PLXNA4: variants seen among roughly 807,000 people sequenced by gnomAD.
PLXNA4 encodes the protein plexin-A4.
PLXNA4 carries 44 observed loss-of-function variants against 191.8 expected under a neutral mutation model. The observed-to-expected ratio is 0.23, with a 90% CI of 0.18 to 0.29. PLXNA4 has a LOEUF of 0.29. Ranked by LOEUF, PLXNA4 falls within the 10% of genes least tolerant of loss-of-function variation. PLXNA4 has a pLI of 1.00. For synonymous variants in PLXNA4, 1,082 were observed against 1,009.5 expected, an observed-to-expected ratio of 1.07 and a Z score of -1.36; for missense variants, 1,800 against 2,488.8, an observed-to-expected ratio of 0.72 and a Z score of 5.89.
intron 10 of PLXNA4, among the ~76,000 whole-genome samples, chr7:132,204,413 T>G (rs1797545429): frequency 6.6e-6 from 1 of 152,224 alleles, no homozygotes; most frequent in Non-Finnish European, 1.5e-5. Flanking sequence ...CAGCCGACTC[T>G]GCTCGCCACA....
At chr7:132,499,811 G>A (rs1019012789) in intron 2 of PLXNA4, among the ~76,000 whole-genome samples, 1 of 152,024 alleles carries the variant, frequency 6.6e-6, no homozygotes, top group Non-Finnish European at 1.5e-5. Context: ...GCCTGCGTGT[G>A]GGATAAATCA....
chr7:132,332,591 A>G (rs548702959), intron 3 of PLXNA4, among the ~76,000 whole-genome samples: 14 of 152,178 alleles, frequency 9.2e-5, no homozygotes, highest in Admixed American at 7.9e-4. Flanking sequence ...GCTCATGCCT[A>G]TAATCTCAGC....
At chr7:132,498,212 TTAC>T (rs1430688463) in intron 2 of PLXNA4, among the ~76,000 whole-genome samples, 2 of 152,224 alleles carry the variant, frequency 1.3e-5, no homozygotes, top group Non-Finnish European at 2.9e-5. Context: ...ATGATTATTA[TTAC>T]TGTTAATCTT....
chr7:132,344,334 T>C (rs1166974150), intron 3 of PLXNA4, among the ~76,000 whole-genome samples: 3 of 152,200 alleles, frequency 2.0e-5, no homozygotes, highest in Non-Finnish European at 4.4e-5. Flanking sequence ...TGCTACGATA[T>C]GATTAAGGAC....
chr7:132,463,098 C>A lies in PLXNA4; in HGVS notation c.1371+26194G>T, dbSNP rs182068157. 2.0e-4 allele frequency among the ~76,000 whole-genome samples: 30 copies of A among 152,162 alleles called. No individual in the cohort carries two copies. The East Asian group carries it at 4.4e-3, about 23-fold the overall frequency. On this transcript the variant is annotated intron_variant, in intron 3 of 31. Transcript: ENST00000321063. The stretch of plus-strand genomic sequence containing the variant: ...CTTCTGACCTCAAGTGATCCACCCC[C>A]CTTCAGCCTCTCAAAGTGCTAGGAT...
chr7:132,415,805 T>C (rs1306650884), intron 3 of PLXNA4, among the ~76,000 whole-genome samples: 1 of 152,204 alleles, frequency 6.6e-6, no homozygotes, highest in East Asian at 1.9e-4. Context: ...TTAAGTAAAC[T>C]GCCCAAGGTT....
intron 3 of PLXNA4, among the ~76,000 whole-genome samples, chr7:132,446,308 T>G (rs1170373056): frequency 6.6e-6 from 1 of 152,146 alleles, no homozygotes; most frequent in African/African-American, 2.4e-5. Context: ...TTTTGTCACC[T>G]CACAGCCCAA....
chr7:132,198,249 C>T (rs1218881042), intron 13 of PLXNA4, among the ~76,000 whole-genome samples: 3 of 152,218 alleles, frequency 2.0e-5, no homozygotes, highest in African/African-American at 7.2e-5. Context: ...TAACAGTCAC[C>T]TTTCTCTCTC....
intron 3 of PLXNA4, among the ~76,000 whole-genome samples, chr7:132,331,323 A>G: frequency 6.6e-6 from 1 of 152,246 alleles, no homozygotes; most frequent in East Asian, 1.9e-4. Context: ...ACCGCTGCAC[A>G]CAGCCTCACC....
At position 132,639,272 on chromosome 7, in the gene PLXNA4, C is replaced by T. The variant is rs112500437; in HGVS notation, c.-87+6656G>A. ...CTCTTCCAGTCCTTAGGCCTTTGTGCTAATTTTTCTATAGCAGGGTAGTCT... is the reference window on the plus strand; with the variant it reads ...CTCTTCCAGTCCTTAGGCCTTTGTGTTAATTTTTCTATAGCAGGGTAGTCT... On this transcript the variant is annotated intron_variant, in intron 2 of 4. Coordinates refer to the PLXNA4 transcript ENST00000378539. 2.5e-3 allele frequency among the ~76,000 whole-genome samples: 377 copies of T among 152,280 alleles called. 1 individual carries two copies. The highest frequency in any genetic ancestry group is 8.7e-3 in the African/African-American group (361 of 41,564).
At chr7:132,300,985 C>T (rs1033878174) in intron 3 of PLXNA4, among the ~76,000 whole-genome samples, 12 of 152,166 alleles carry the variant, frequency 7.9e-5, no homozygotes, top group Non-Finnish European at 1.3e-4. Context: ...GGCTGGACAT[C>T]AAAGGAAGCC....
Position 132,226,145 on chromosome 7 carries a change from G to A in PLXNA4, c.1982+16C>T, listed in dbSNP as rs751818524. ...GACCCCAGGAACGGGAAGTGGGTAAGGCTGGGGCCACTTACGAATTGTGGA... is the reference window on the plus strand; with the variant it reads ...GACCCCAGGAACGGGAAGTGGGTAAAGCTGGGGCCACTTACGAATTGTGGA... On this transcript the variant is annotated intron_variant, in intron 8 of 31. Transcript: ENST00000321063. 63 of 1,608,256 alleles carry A rather than the reference G, an allele frequency of 3.9e-5. No individual in the cohort carries two copies. The highest frequency in any genetic ancestry group is 5.4e-5 in the Non-Finnish European group (63 of 1,174,924).
At chr7:132,430,876 A>G (rs904966270) in intron 3 of PLXNA4, among the ~76,000 whole-genome samples, 6 of 152,208 alleles carry the variant, frequency 3.9e-5, no homozygotes, top group Non-Finnish European at 7.3e-5. Flanking sequence ...AAGAAACCCT[A>G]AACTAGGACA....
intron 1 of PLXNA4, among the ~76,000 whole-genome samples, chr7:132,556,225 AC>A (rs1371636513): frequency 6.6e-6 from 1 of 152,068 alleles, no homozygotes; most frequent in East Asian, 1.9e-4. Flanking sequence ...TTTTTACCAC[AC>A]CCTGGGGCCA....
intron 3 of PLXNA4, among the ~76,000 whole-genome samples, chr7:132,473,960 A>C (rs1040993537): frequency 2.0e-5 from 3 of 152,244 alleles, no homozygotes; most frequent in Admixed American, 6.5e-5. Flanking sequence ...AAAGGAAAGA[A>C]AGTTCAACAA....
At chr7:132,443,668 T>G (rs1795784561) in intron 3 of PLXNA4, among the ~76,000 whole-genome samples, 2 of 152,152 alleles carry the variant, frequency 1.3e-5, no homozygotes, top group African/African-American at 4.8e-5. Context: ...CACTTCCCTC[T>G]TCATTAACCT....
chr7:132,356,588 T>G (rs1280996504), intron 3 of PLXNA4, among the ~76,000 whole-genome samples: 1 of 152,246 alleles, frequency 6.6e-6, no homozygotes, highest in African/African-American at 2.4e-5. Flanking sequence ...AGGCCAGATC[T>G]GCATCCACCG....
intron 3 of PLXNA4, among the ~76,000 whole-genome samples, chr7:132,334,252 C>CTTTCTTTTTTTTTTTTTTTTTT (rs1554417000): frequency 2.6e-5 from 2 of 75,606 alleles, no homozygotes; most frequent in African/African-American, 6.1e-5. Flanking sequence ...TTCTTTCTTT[C>CTTTCTTTTTTTTTTTTTTTTTT]TTTTTTTTTT....
chr7:132,562,158 C>CTTCTCCTCCTCCTCT lies in PLXNA4; in HGVS notation c.-87+14249_-87+14263dup, dbSNP rs1378060242. 2.7e-4 allele frequency among the ~76,000 whole-genome samples: 33 copies of CTTCTCCTCCTCCTCT among 122,516 alleles called. 1 individual carries two copies. Among genetic ancestry groups the CTTCTCCTCCTCCTCT allele is most frequent in the African/African-American group, 9.1e-4 (26 of 28,662 alleles). The allele number at this position is 122,516 out of a possible 152,430, so 80.4% of individuals were successfully genotyped here. Reference sequence around the variant, plus strand: ...CTCTCCTTCTCCTCCTCCTTCTCTCCTTCTCCTCCTCCTCTTTCTCCTCCT... The same window carrying CTTCTCCTCCTCCTCT: ...CTCTCCTTCTCCTCCTCCTTCTCTCCTTCTCCTCCTCCTCTTTCTCCTCCTCCTCTTTCTCCTCCT... On this transcript the variant is annotated intron_variant, in intron 1 of 31. Coordinates refer to ENST00000321063, the MANE Select transcript of PLXNA4 (RefSeq NM_020911.2).
Sources: gnomAD v4.1 joint callset for allele counts (sites outside exome capture counted in the v4.1 genomes callset) on GRCh38, gnomAD v4.1.1 for gene constraint, MANE v1.5 for transcripts, NCBI Gene and HGNC (gene_info 2026-07-23, HGNC 2026-07-21) for gene names.